The following GALNT13 variants were observed in gnomAD, a reference collection of about 807,000 sequenced individuals.
The protein encoded by GALNT13 is UDP-GalNAc:polypeptide N-acetylgalactosaminyltransferase 13.
In GALNT13, 28 loss-of-function variants were observed where a neutral mutation model predicts 64.2. The observed-to-expected ratio is 0.44, with a 90% CI of 0.32 to 0.60. The LOEUF (loss-of-function observed/expected upper bound fraction) is 0.60, where lower values mean the gene tolerates loss of function less well. Ranked by LOEUF, GALNT13 falls within the 20% of genes least tolerant of loss-of-function variation. The pLI, the probability that GALNT13 is intolerant of heterozygous loss-of-function variation, is 0.05. For synonymous variants in GALNT13, 214 were observed against 224.6 expected, an observed-to-expected ratio of 0.95 and a Z score of 0.42; for missense variants, 577 against 669.8, an observed-to-expected ratio of 0.86 and a Z score of 1.53.
At chr2:154,324,210 G>T (rs1694765091) in intron 9 of GALNT13, among the ~76,000 whole-genome samples, 1 of 151,042 alleles carries the variant, frequency 6.6e-6, no homozygotes, top group Non-Finnish European at 1.5e-5. Context: ...TTATGCTCTT[G>T]AATTTTTTTT....
At chr2:153,671,708 C>A in the GALNT13 span, among the ~76,000 whole-genome samples, 1 of 152,238 alleles carries the variant, frequency 6.6e-6, no homozygotes, top group East Asian at 1.9e-4. Flanking sequence ...ACAATATTAA[C>A]CTTAAATGTA....
the GALNT13 span, among the ~76,000 whole-genome samples, chr2:153,439,595 C>T: frequency 5.9e-5 from 9 of 152,280 alleles, no homozygotes; most frequent in Admixed American, 1.3e-4. Flanking sequence ...AGGAAGGCTC[C>T]GTGGGCATAG....
chr2:154,172,417 C>T (rs959594536), intron 4 of GALNT13, among the ~76,000 whole-genome samples: 2 of 151,662 alleles, frequency 1.3e-5, no homozygotes, highest in African/African-American at 4.8e-5. Context: ...CTTTTTGGAC[C>T]CATTAATCAA....
chr2:154,051,820 A>G (rs887231776), intron 3 of GALNT13, among the ~76,000 whole-genome samples: 1 of 152,162 alleles, frequency 6.6e-6, no homozygotes, highest in Non-Finnish European at 1.5e-5. Flanking sequence ...GTTCTAAGTA[A>G]ACAATGTGAT....
intron 1 of GALNT13, among the ~76,000 whole-genome samples, chr2:153,898,097 T>A (rs1054540426): frequency 3.9e-5 from 6 of 152,136 alleles, no homozygotes; most frequent in African/African-American, 1.2e-4. Flanking sequence ...TTTTTCACAG[T>A]TTTTCTGGAC....
the GALNT13 span, among the ~76,000 whole-genome samples, chr2:153,469,250 T>G: frequency 2.0e-5 from 3 of 152,070 alleles, no homozygotes; most frequent in African/African-American, 7.2e-5. Flanking sequence ...CAGCCTCAGA[T>G]TCAGGTCTCA....
At chr2:153,873,349 G>A (rs1166557067) in intron 1 of GALNT13, among the ~76,000 whole-genome samples, 2 of 152,212 alleles carry the variant, frequency 1.3e-5, no homozygotes, top group African/African-American at 2.4e-5. Flanking sequence ...GAACCTGAGC[G>A]CACTGAGGCT....
At chr2:153,348,838 G>A in the GALNT13 span, among the ~76,000 whole-genome samples, 1 of 152,150 alleles carries the variant, frequency 6.6e-6, no homozygotes, top group African/African-American at 2.4e-5. Flanking sequence ...CCCAGCACAC[G>A]GCAGTCTTCC....
At chr2:154,317,838 A>G (rs1172174634) in intron 9 of GALNT13, among the ~76,000 whole-genome samples, 1 of 152,140 alleles carries the variant, frequency 6.6e-6, no homozygotes, top group Non-Finnish European at 1.5e-5. Context: ...AACTCTCTCT[A>G]GAATGGACTA....
the GALNT13 span, among the ~76,000 whole-genome samples, chr2:153,192,527 C>T: frequency 3.9e-5 from 6 of 152,198 alleles, no homozygotes; most frequent in South Asian, 8.3e-4. Context: ...GTCTAAAGTG[C>T]AGTTTAAATC....
At chr2:154,191,989 A>G (rs907393860) in intron 4 of GALNT13, among the ~76,000 whole-genome samples, 1 of 152,120 alleles carries the variant, frequency 6.6e-6, no homozygotes, top group Non-Finnish European at 1.5e-5. Context: ...GAATGAGTGC[A>G]AGGTTTTATT....
At chr2:153,648,032 A>G in the GALNT13 span, among the ~76,000 whole-genome samples, 1 of 152,170 alleles carries the variant, frequency 6.6e-6, no homozygotes, top group East Asian at 1.9e-4. Context: ...TGGGGATGGC[A>G]TTGAATCTGT....
the GALNT13 span, among the ~76,000 whole-genome samples, chr2:153,575,087 C>T: frequency 1.3e-5 from 2 of 152,148 alleles, no homozygotes; most frequent in East Asian, 3.9e-4. Context: ...GCACCCCAAG[C>T]CCAGTAATGC....
chr2:153,107,177 T>G, the GALNT13 span, among the ~76,000 whole-genome samples: 15 of 152,282 alleles, frequency 9.9e-5, no homozygotes, highest in African/African-American at 3.4e-4. Context: ...GTGAATTATT[T>G]GAGCTTTGTG....
At chr2:153,952,277 G>C (rs1558871465) in intron 3 of GALNT13, among the ~76,000 whole-genome samples, 1 of 152,130 alleles carries the variant, frequency 6.6e-6, no homozygotes. Context: ...TTATGACATA[G>C]TGGATCCTTG....
the GALNT13 span, among the ~76,000 whole-genome samples, chr2:153,658,321 A>G: frequency 6.6e-6 from 1 of 152,104 alleles, no homozygotes; most frequent in South Asian, 2.1e-4. Flanking sequence ...CCAATGGCCA[A>G]CTACTGAGCC....
the GALNT13 span, among the ~76,000 whole-genome samples, chr2:153,649,890 T>C: frequency 3.3e-5 from 5 of 152,180 alleles, no homozygotes; most frequent in African/African-American, 9.7e-5. Context: ...TCCAACTATG[T>C]GGTCAATTTT....
chr2:153,403,246 C>G, the GALNT13 span, among the ~76,000 whole-genome samples: 1 of 150,778 alleles, frequency 6.6e-6, no homozygotes. Flanking sequence ...GCTCGGGGGT[C>G]AGGGGTCAGG....
intron 3 of GALNT13, among the ~76,000 whole-genome samples, chr2:154,072,538 A>T (rs1381616629): frequency 2.0e-5 from 3 of 151,986 alleles, no homozygotes; most frequent in African/African-American, 7.2e-5. Context: ...TCTAGCTCAT[A>T]ACTATTACTG....
Sources: gnomAD v4.1 joint callset for allele counts (sites outside exome capture counted in the v4.1 genomes callset) on GRCh38, gnomAD v4.1.1 for gene constraint, MANE v1.5 for transcripts, NCBI Gene and HGNC (gene_info 2026-07-23, HGNC 2026-07-21) for gene names.